The following TNIK variants were observed in gnomAD, a reference collection of about 807,000 sequenced individuals.
TNIK encodes the protein TRAF2 and NCK-interacting protein kinase.
Under a neutral mutation model 191.3 loss-of-function variants are expected in TNIK, and 49 were observed. The observed-to-expected ratio is 0.26, with a 90% CI of 0.20 to 0.32. The LOEUF (loss-of-function observed/expected upper bound fraction) is 0.32, where lower values mean the gene tolerates loss of function less well. Among genes scored for constraint, TNIK ranks in the 10% least tolerant of loss-of-function variants. The pLI is 1.00. For missense variants in TNIK, 1,155 were observed against 1,702.3 expected, an observed-to-expected ratio of 0.68 and a Z score of 5.66; for synonymous variants, 594 against 600.9, an observed-to-expected ratio of 0.99 and a Z score of 0.17.
intron 1 of TNIK, among the ~76,000 whole-genome samples, chr3:171,375,213 C>T (rs1011857249): frequency 6.6e-5 from 10 of 152,182 alleles, no homozygotes; most frequent in Non-Finnish European, 1.2e-4. Context: ...TGTAATAGGA[C>T]TTTAATAAAT....
At chr3:171,092,904 TG>T (rs1158900855) in intron 23 of TNIK, among the ~76,000 whole-genome samples, 1 of 152,188 alleles carries the variant, frequency 6.6e-6, no homozygotes, top group African/African-American at 2.4e-5. Context: ...GAGGACTGGA[TG>T]GTGATAACAA....
At chr3:171,322,645 T>G (rs145930070) in intron 2 of TNIK, among the ~76,000 whole-genome samples, 33 of 152,238 alleles carry the variant, frequency 2.2e-4, no homozygotes, top group Non-Finnish European at 4.1e-4. Flanking sequence ...TACGCACATA[T>G]GCAGGTAGGC....
chr3:171,169,739 A>AATAGTGTTC (rs1035492064), intron 9 of TNIK, among the ~76,000 whole-genome samples: 4 of 152,234 alleles, frequency 2.6e-5, no homozygotes, highest in Admixed American at 2.6e-4. Flanking sequence ...TCCAGAATGG[A>AATAGTGTTC]ATAGTGTTCA....
intron 1 of TNIK, among the ~76,000 whole-genome samples, chr3:171,384,229 G>A (rs1490178711): frequency 6.6e-6 from 1 of 152,210 alleles, no homozygotes; most frequent in Admixed American, 6.5e-5. Context: ...CGCTTTGAAT[G>A]TATCTGTCTT....
intron 27 of TNIK, among the ~76,000 whole-genome samples, chr3:171,081,396 CT>C (rs1553800920): frequency 1.3e-5 from 2 of 151,586 alleles, no homozygotes; most frequent in Non-Finnish European, 2.9e-5. Flanking sequence ...AATCCATGTT[CT>C]CAAACTTGGC....
intron 12 of TNIK, among the ~76,000 whole-genome samples, chr3:171,155,687 G>T (rs972892651): frequency 7.2e-5 from 11 of 152,250 alleles, no homozygotes; most frequent in Non-Finnish European, 1.2e-4. Context: ...CTGACTGGGA[G>T]CGTGAGACAG....
At chr3:171,211,652 G>T (rs1740841310) in intron 3 of TNIK, among the ~76,000 whole-genome samples, 1 of 152,152 alleles carries the variant, frequency 6.6e-6, no homozygotes, top group Non-Finnish European at 1.5e-5. Flanking sequence ...TGGGCGCTCA[G>T]ATTTAAATTT....
chr3:171,385,084 C>A (rs1376908295), intron 1 of TNIK, among the ~76,000 whole-genome samples: 2 of 152,160 alleles, frequency 1.3e-5, no homozygotes, highest in Admixed American at 6.6e-5. Flanking sequence ...GGTGGCCAAA[C>A]ATGAAGGGCA....
intron 15 of TNIK, among the ~76,000 whole-genome samples, chr3:171,131,739 A>G (rs1273271375): frequency 6.6e-6 from 1 of 152,244 alleles, no homozygotes; most frequent in Admixed American, 6.5e-5. Context: ...ATGCCGCCCA[A>G]GTGTCTTTAC....
intron 2 of TNIK, among the ~76,000 whole-genome samples, chr3:171,291,562 T>C (rs187232177): frequency 2.7e-3 from 414 of 152,356 alleles, no homozygotes; most frequent in African/African-American, 9.5e-3. Context: ...TTAAAGATAC[T>C]GTTAAACTCT....
intron 9 of TNIK, among the ~76,000 whole-genome samples, chr3:171,169,486 T>C (rs1735025371): frequency 6.6e-6 from 1 of 152,192 alleles, no homozygotes; most frequent in African/African-American, 2.4e-5. Flanking sequence ...CAGGCTGGTC[T>C]CAAACTCCTG....
rs146501250 is a variant in TNIK at position 171,122,146 on chromosome 3, A to G, written c.2120+1450T>C. ...AATGGAAATGGCTTTTTATTTGACT[A>G]TATGATGGTAATTCTCTTTTTGGTT... On this transcript the variant is annotated intron_variant, in intron 18 of 32. Coordinates refer to ENST00000436636, the MANE Select transcript of TNIK (RefSeq NM_015028.4). Among the ~76,000 whole-genome samples, 646 of 152,370 alleles carry G rather than the reference A, an allele frequency of 4.2e-3. 6 individuals carry two copies. Among genetic ancestry groups the G allele is most frequent in the African/African-American group, 0.015 (604 of 41,578 alleles).
chr3:171,359,870 G>T (rs1228437084), intron 2 of TNIK, among the ~76,000 whole-genome samples: 1 of 152,000 alleles, frequency 6.6e-6, no homozygotes, highest in Non-Finnish European at 1.5e-5. Flanking sequence ...ATCCTGGCGG[G>T]GTTTCATTTT....
rs60887361 is a variant in TNIK at position 171,365,161 on chromosome 3, C to CTTTTTTTTTTTTTTTTT, written c.123+4442_123+4458dup. On this transcript the variant is annotated intron_variant, in intron 2 of 32. Coordinates refer to ENST00000436636, the MANE Select transcript of TNIK (RefSeq NM_015028.4). ...AAGGACTACACAAAAGGACTACATT[C>CTTTTTTTTTTTTTTTTT]TTTTTTTTTTTTTTTTTTTTTTTTT... is the stretch of plus-strand genomic sequence containing the variant. Among the ~76,000 whole-genome samples, 111 of 31,932 alleles carry CTTTTTTTTTTTTTTTTT rather than the reference C, an allele frequency of 3.5e-3. 32 individuals carry two copies. The highest frequency in any genetic ancestry group is 0.026 in the Middle Eastern group (1 of 38). The allele number at this position is 31,932 out of a possible 152,430, so 20.9% of individuals were successfully genotyped here.
intron 1 of TNIK, among the ~76,000 whole-genome samples, chr3:171,436,668 C>T (rs536648677): frequency 1.3e-5 from 2 of 152,314 alleles, no homozygotes; most frequent in South Asian, 4.1e-4. Context: ...CAAATTATTT[C>T]ATGGTCACCT....
At chr3:171,272,826 T>A (rs1749280623) in intron 2 of TNIK, among the ~76,000 whole-genome samples, 1 of 152,244 alleles carries the variant, frequency 6.6e-6, no homozygotes, top group South Asian at 2.1e-4. Context: ...AGGCAGTTCA[T>A]ATATCTCCAT....
At chr3:171,313,357 T>C (rs1450525621) in intron 2 of TNIK, among the ~76,000 whole-genome samples, 1 of 152,024 alleles carries the variant, frequency 6.6e-6, no homozygotes, top group Non-Finnish European at 1.5e-5. Context: ...CTTCAACCTG[T>C]TCATGTTAAA....
chr3:171,412,665 A>G (rs1722559892), intron 1 of TNIK, among the ~76,000 whole-genome samples: 4 of 152,238 alleles, frequency 2.6e-5, no homozygotes, highest in Non-Finnish European at 5.9e-5. Flanking sequence ...CACACAAAGT[A>G]TAGAAGAAGG....
intron 1 of TNIK, among the ~76,000 whole-genome samples, chr3:171,408,773 AG>A (rs1722032242): frequency 6.6e-6 from 1 of 152,278 alleles, no homozygotes; most frequent in African/African-American, 2.4e-5. Context: ...GCTGAACCCC[AG>A]TGGTATGGCA....
Sources: allele counts gnomAD v4.1 joint callset (sites outside exome capture counted in the v4.1 genomes callset), GRCh38; gene constraint gnomAD v4.1.1; transcripts MANE v1.5; gene names NCBI Gene and HGNC (gene_info 2026-07-23, HGNC 2026-07-21).